Variants in SLC8A2 observed in about 807,000 individuals in gnomAD.
The protein encoded by SLC8A2 is solute carrier family 8 member A2.
SLC8A2 carries 14 observed loss-of-function variants against 70.2 expected under a neutral mutation model. The observed-to-expected ratio is 0.20, with a 90% CI of 0.13 to 0.31. The LOEUF (loss-of-function observed/expected upper bound fraction) is 0.31. Ranked by LOEUF, SLC8A2 falls within the 10% of genes least tolerant of loss-of-function variation. SLC8A2 has a pLI of 1.00. For synonymous variants in SLC8A2, 575 were observed against 594.3 expected (o/e 0.97, Z 0.47); for missense variants, 779 against 1,320.1 (o/e 0.59, Z 6.35).
chr19:47,440,425 G>C (rs1223544184), intron 6 of SLC8A2, among the ~76,000 whole-genome samples: 1 of 147,498 alleles, frequency 6.8e-6, no homozygotes, highest in African/African-American at 2.5e-5. Flanking sequence ...TTACAACCCT[G>C]ATTACAGACA....
chr19:47,458,818 G>A (rs754829058), intron 2 of SLC8A2, among the ~76,000 whole-genome samples: 1 of 144,132 alleles, frequency 6.9e-6, no homozygotes, highest in African/African-American at 2.6e-5. Context: ...TCCCGTCACC[G>A]TTTCTCTCTC....
At chr19:47,439,824 C>G (rs569519464) in intron 6 of SLC8A2, among the ~76,000 whole-genome samples, 1 of 151,956 alleles carries the variant, frequency 6.6e-6, no homozygotes, top group Admixed American at 6.6e-5. Flanking sequence ...CCACCATGCC[C>G]GGCTAATTTT....
intron 1 of SLC8A2, among the ~76,000 whole-genome samples, chr19:47,467,239 C>T (rs1301178348): frequency 6.6e-6 from 1 of 152,202 alleles, no homozygotes; most frequent in Non-Finnish European, 1.5e-5. Context: ...ATGAATCTCA[C>T]AGATGTCACA....
intron 2 of SLC8A2, among the ~76,000 whole-genome samples, chr19:47,459,630 T>C (rs1028545989): frequency 6.6e-6 from 1 of 151,772 alleles, no homozygotes; most frequent in African/African-American, 2.4e-5. Context: ...TGTATGTGTA[T>C]GTGCGTGTGT....
chr19:47,437,353 G>A (rs980526881), intron 8 of SLC8A2, 109 bp downstream of exon 8: 15 of 808,444 alleles, frequency 1.9e-5, no homozygotes, highest in African/African-American at 3.4e-5. Flanking sequence ...ATGAGCCACC[G>A]CGCCCGGCCT....
Position 47,448,146 on chromosome 19 carries a change from C to T in SLC8A2, c.1426G>A (p.Glu476Lys). 1.2e-6 allele frequency: 2 copies of T among 1,612,926 alleles called. No homozygotes were observed. The highest frequency in any genetic ancestry group is 1.7e-6 in the Non-Finnish European group (2 of 1,179,712). Reference protein sequence around the residue: ...IIDDDIFEEDEHFFVRLLNLR... With the variant: ...IIDDDIFEEDKHFFVRLLNLR... ...TTCAGCAGCCGCACGAAGAAATGCT[C>T]GTCCTCCTCGAAGATGTCGTCGTCG... is the stretch of plus-strand genomic sequence containing the variant. Residue 476 changes from glutamate (E) to lysine (K), a missense_variant, in exon 4 of 10, where the codon GAG becomes AAG. Transcript: ENST00000236877. The surrounding 1 kb of genome is among the most constrained non-coding windows in gnomAD (Gnocchi z 4.8).
chr19:47,470,352 C>CAT (rs1471410498), intron 1 of SLC8A2, among the ~76,000 whole-genome samples: 2 of 113,602 alleles, frequency 1.8e-5, no homozygotes, highest in Non-Finnish European at 3.7e-5. Context: ...ACATCATACA[C>CAT]ACACACACAC....
Position 47,447,622 on chromosome 19 carries a change from CGTGGGCATGGGTCACAGGCCCCGCCCACG to C in SLC8A2, c.1763+158_1763+186del. On this transcript the variant is annotated intron_variant, in intron 4 of 9. Coordinates refer to ENST00000236877, the MANE Select transcript of SLC8A2 (RefSeq NM_015063.3). This position sits in a 1 kb window ranked among gnomAD's most constrained non-coding sequence, Gnocchi z 5.1. ...CTGTTCAGTGAAGCCCCGCCCACGT[CGTGGGCATGGGTCACAGGCCCCGCCCACG>C]TTGCGGGCACGGCCACGCAGGCCCC... 2.5e-6 allele frequency: 1 copy of C among 400,942 alleles called. No individual in the cohort carries two copies. The highest frequency in any genetic ancestry group is 4.3e-6 in the Non-Finnish European group (1 of 232,248). The allele number at this position is 400,942 out of a possible 1,614,324, so 24.8% of individuals were successfully genotyped here. A position where few individuals can be genotyped will look rare whatever the true frequency, so the allele number is the denominator to read the frequency against.
intron 2 of SLC8A2, among the ~76,000 whole-genome samples, chr19:47,462,808 G>A (rs1423331768): frequency 5.9e-5 from 9 of 151,824 alleles, no homozygotes; most frequent in Non-Finnish European, 1.2e-4. Context: ...GGCTGGTTTC[G>A]AACTCATGAC....
Position 47,465,966 on chromosome 19 carries a change from T to C in SLC8A2, c.438A>G (p.Ser146=). 6.2e-7 allele frequency: 1 copy of C among 1,614,072 alleles called. No individual in the cohort carries two copies. The highest frequency in any genetic ancestry group is 8.5e-7 in the Non-Finnish European group (1 of 1,180,000). ...LGSSAPEILL[S]VIEVCGHNFQ... is the part of the protein sequence containing the mutation. Reference sequence around the variant, plus strand: ...AGTTGTGGCCGCAGACTTCGATGACTGACAGCAGGATCTCAGGTGCGGAGG... The same window carrying C: ...AGTTGTGGCCGCAGACTTCGATGACCGACAGCAGGATCTCAGGTGCGGAGG... The change falls in exon 2 of 10, where the codon TCA becomes TCG. Residue 146 remains serine (S), a synonymous_variant. Transcript: ENST00000236877. This position sits in a 1 kb window ranked among gnomAD's most constrained non-coding sequence, Gnocchi z 5.5.
At chr19:47,431,898 C>T (rs1966967596) in intron 9 of SLC8A2, among the ~76,000 whole-genome samples, 1 of 152,120 alleles carries the variant, frequency 6.6e-6, no homozygotes. Flanking sequence ...CACCTTCTCT[C>T]TATGAAATCC....
chr19:47,459,715 ATG>A (rs1471697063), intron 2 of SLC8A2, among the ~76,000 whole-genome samples: 2 of 143,766 alleles, frequency 1.4e-5, no homozygotes, highest in African/African-American at 2.6e-5. Context: ...GTGTGCGCGC[ATG>A]TGTGTACGTC....
chr19:47,452,396 TGGAGAGAG>T (rs1203329499), intron 3 of SLC8A2, among the ~76,000 whole-genome samples: 1 of 76,120 alleles, frequency 1.3e-5, no homozygotes, highest in African/African-American at 5.4e-5. Flanking sequence ...TATATATATA[TGGAGAGAG>T]AGAGAGAGAG....
rs182585344 is a variant in SLC8A2, at chr19:47,468,522, A to G, written c.-16-2103T>C. On this transcript the variant is annotated intron_variant, in intron 1 of 9. Transcript: ENST00000236877. The surrounding 1 kb of genome is among the most constrained non-coding windows in gnomAD (Gnocchi z 5.1). ...AGGCTGTTTTTGAACTCCTGGGTTC[A>G]GGTGCTCCACCTGCCTTGGCCTCCC... Among the ~76,000 whole-genome samples the G allele has an allele frequency of 1.1e-4, 16 of 152,298 alleles. No individual in the cohort carries two copies. Among genetic ancestry groups the G allele is most frequent in the Admixed American group, 2.0e-4 (3 of 15,294 alleles).
At position 47,431,022 on chromosome 19, in the gene SLC8A2, C is replaced by T. The variant is rs142635174; in HGVS notation, c.2390-557G>A. Among the ~76,000 whole-genome samples the T allele has an allele frequency of 3.4e-3, 516 of 151,274 alleles. 5 individuals carry two copies. Among genetic ancestry groups the T allele is most frequent in the African/African-American group, 0.012 (492 of 41,174 alleles). Reference sequence around the variant, plus strand: ...TACAGGTATGAGCCACCGCGCCTAGCTGTATTTTTTGTTTGTTTTGTTTTG... The same window carrying T: ...TACAGGTATGAGCCACCGCGCCTAGTTGTATTTTTTGTTTGTTTTGTTTTG... On this transcript the variant is annotated intron_variant, in intron 9 of 9. Transcript: ENST00000236877.
intron 6 of SLC8A2, among the ~76,000 whole-genome samples, chr19:47,439,075 C>A (rs1284992963): frequency 6.6e-6 from 1 of 152,270 alleles, no homozygotes; most frequent in East Asian, 1.9e-4. Context: ...AGGCTTAGCC[C>A]CCGAAAACCT....
intron 8 of SLC8A2, among the ~76,000 whole-genome samples, chr19:47,435,524 C>A (rs1967016539): frequency 6.6e-6 from 1 of 151,494 alleles, no homozygotes; most frequent in African/African-American, 2.4e-5. Flanking sequence ...TCTGCAGGGC[C>A]CGTCTCCTGC....
At chr19:47,452,931 G>A (rs1051274589) in intron 3 of SLC8A2, among the ~76,000 whole-genome samples, 6 of 152,108 alleles carry the variant, frequency 3.9e-5, no homozygotes, top group Admixed American at 2.0e-4. Context: ...TACTCAAGAC[G>A]CTGAGGCATG....
At chr19:47,434,752 T>C (rs566251002) in intron 8 of SLC8A2, among the ~76,000 whole-genome samples, 2 of 152,142 alleles carry the variant, frequency 1.3e-5, no homozygotes, top group South Asian at 4.2e-4. Flanking sequence ...ACTACCCTTC[T>C]CCCTCACCCC....
Sources: allele counts gnomAD v4.1 joint callset (sites outside exome capture counted in the v4.1 genomes callset), GRCh38; gene constraint gnomAD v4.1.1; non-coding constraint Gnocchi (gnomAD v3.1); transcripts MANE v1.5; gene names NCBI Gene and HGNC (gene_info 2026-07-23, HGNC 2026-07-21).